The following TUBAL3 variants were observed in gnomAD, a reference collection of about 807,000 sequenced individuals.
TUBAL3 encodes tubulin alpha chain-like 3.
In TUBAL3, 16 loss-of-function variants were observed where a neutral mutation model predicts 15.5. The observed-to-expected ratio is 1.04, with a 90% CI of 0.70 to 1.57. The LOEUF is 1.57. Ranked by LOEUF, TUBAL3 falls within the 40% of genes most tolerant of loss-of-function variation. The pLI is 0.00. For missense variants in TUBAL3, 609 were observed against 576.2 expected (o/e 1.06, Z -0.58); for synonymous variants, 238 against 224.3 (o/e 1.06, Z -0.55).
chr10:5,400,140 A>G (rs1554814510), intron 2 of TUBAL3, among the ~76,000 whole-genome samples: 1 of 152,162 alleles, frequency 6.6e-6, no homozygotes, highest in Non-Finnish European at 1.5e-5. Context: ...TAACTAGGGT[A>G]TATATTTGGC....
Position 5,393,757 on chromosome 10 carries a change from G to A in TUBAL3, c.1101C>T (p.Pro367=). 2 of 1,614,222 alleles carry A rather than the reference G, an allele frequency of 1.2e-6. No individual in the cohort carries two copies. Among genetic ancestry groups the A allele is most frequent in the Admixed American group, 1.7e-5 (1 of 60,028 alleles). Residue 367 remains proline (P), a synonymous_variant, in exon 4 of 4, where the codon CCC becomes CCT. Transcript: ENST00000380419. ...CCAGGTCCCCACCCGGCATCACCGTGGGCGGCCGATTGTTGATGCCCACCT... is the reference window on the plus strand; with the variant it reads ...CCAGGTCCCCACCCGGCATCACCGTAGGCGGCCGATTGTTGATGCCCACCT... ...GFKVGINNRP[P]TVMPGGDLAK...
Position 5,393,734 on chromosome 10 carries a change from A to T in TUBAL3, c.1124T>A (p.Leu375Gln). 6.2e-7 allele frequency: 1 copy of T among 1,614,212 alleles called. No individual in the cohort carries two copies. The highest frequency in any genetic ancestry group is 8.5e-7 in the Non-Finnish European group (1 of 1,180,032). The change falls in exon 4 of 4, where the codon CTG becomes CAG. Residue 375 changes from leucine to glutamine, a missense_variant. Transcript: ENST00000380419. ...GCAGATGGACCGGTGGACTTTGGCC[A>T]GGTCCCCACCCGGCATCACCGTGGG... The part of the protein sequence containing the change: ...RPPTVMPGGD[L>Q]AKVHRSICML...
rs1407902587 is a variant in TUBAL3, at chr10:5,393,415, A to G, written c.*102T>C. 3.7e-6 allele frequency: 4 copies of G among 1,067,312 alleles called. No homozygotes were observed. The Admixed American group carries it at 1.1e-4, about 28-fold the overall frequency. 66.1% of individuals were successfully genotyped at this position (1,067,312 alleles called of 1,614,324 possible). On this transcript the variant is annotated 3_prime_UTR_variant, in exon 4 of 4. Transcript: ENST00000380419. The stretch of plus-strand genomic sequence containing the variant: ...CTAGAGTCTTGCCTGATTTGAGTTC[A>G]TTTTTCTGCTCATCAGGGGAACTAC...
intron 1 of TUBAL3, 141 bp from the exon 2 acceptor site, chr10:5,401,228 C>T: frequency 1.2e-5 from 13 of 1,054,192 alleles, no homozygotes; most frequent in Admixed American, 2.8e-5. Flanking sequence ...TAATCAAAAG[C>T]GTTTCATGGA....
Position 5,395,419 on chromosome 10 carries a change from C to T in TUBAL3, c.304G>A (p.Gly102Arg), listed in dbSNP as rs150216035. 6.7e-4 allele frequency: 1,082 copies of T among 1,605,632 alleles called. 10 individuals are homozygous for T. The African/African-American group carries it at 0.013, about 19-fold the overall frequency. Residue 102 changes from glycine (G) to arginine (R), a missense_variant, in exon 3 of 4, where the codon GGA becomes AGA. Physicochemically the swap from Gly to Arg is moderately radical, Grantham distance 125 (BLOSUM62 -2). Coordinates refer to ENST00000380419, the MANE Select transcript of TUBAL3 (RefSeq NM_024803.3). The surrounding 1 kb of genome is among the most constrained non-coding windows in gnomAD (Gnocchi z 4.6). ...SLFHPEQLLSGKEDAANNYAR... is the reference protein window; with the variant it reads ...SLFHPEQLLSRKEDAANNYAR... ...TAATTGTTAGCAGCATCCTCCTTTC[C>T]GCTAAGGAGCTGCTCGGGGTGGAAG...
At chr10:5,400,696 C>T (rs1831836316) in intron 2 of TUBAL3, 148 bp downstream of exon 2, 7 of 849,644 alleles carry the variant, frequency 8.2e-6, no homozygotes, top group Non-Finnish European at 1.8e-6. Context: ...TCATGTTAAT[C>T]ACCCATGGCC....
chr10:5,399,073 A>C (rs1400035179), intron 2 of TUBAL3, among the ~76,000 whole-genome samples: 1 of 152,188 alleles, frequency 6.6e-6, no homozygotes, highest in Non-Finnish European at 1.5e-5. Context: ...CCTAGGACCA[A>C]ACCCAGCTCT....
At position 5,395,402 on chromosome 10, in the gene TUBAL3, A is replaced by G. The variant is rs11253156; in HGVS notation, c.321T>C (p.Ala107=). ...AGTAACGGCCTCGCGCGTAATTGTT[A>G]GCAGCATCCTCCTTTCCGCTAAGGA... ...EQLLSGKEDA[A]NNYARGRYSV... is the part of the protein sequence containing the mutation. The change falls in exon 3 of 4, where the codon GCT becomes GCC. Residue 107 remains alanine, a synonymous_variant. Coordinates refer to ENST00000380419, the MANE Select transcript of TUBAL3 (RefSeq NM_024803.3). This position sits in a 1 kb window ranked among gnomAD's most constrained non-coding sequence, Gnocchi z 4.6. The G allele has an allele frequency of 0.73, 1,163,805 of 1,604,440 alleles. 423,580 individuals carry two copies. The highest frequency in any genetic ancestry group is 0.82 in the Admixed American group (48,442 of 59,302).
intron 1 of TUBAL3, among the ~76,000 whole-genome samples, chr10:5,402,214 T>A (rs1367975164): frequency 6.6e-6 from 1 of 152,200 alleles, no homozygotes; most frequent in Admixed American, 6.5e-5. Context: ...CCATCCCACT[T>A]TAAATCATCT....
rs1831735657 is a variant in TUBAL3 at position 5,394,699 on chromosome 10, T to C, written c.397-238A>G. On this transcript the variant is annotated intron_variant, in intron 3 of 3. Transcript: ENST00000380419. The surrounding 1 kb of genome is among the most constrained non-coding windows in gnomAD (Gnocchi z 4.3). ...AGCAGAGCATAAATATCCACCTGTCTTTCACTGACCTCTGTGCATTTATCG... is the reference window on the plus strand; with the variant it reads ...AGCAGAGCATAAATATCCACCTGTCCTTCACTGACCTCTGTGCATTTATCG... 6.6e-6 allele frequency among the ~76,000 whole-genome samples: 1 copy of C among 152,214 alleles called. No individual in the cohort carries two copies. The highest frequency in any genetic ancestry group is 2.1e-4 in the South Asian group (1 of 4,834).
Position 5,393,513 on chromosome 10 carries a change from TG to T in TUBAL3, c.*3del, listed in dbSNP as rs782357289. On this transcript the variant is annotated 3_prime_UTR_variant, in exon 4 of 4. Coordinates refer to ENST00000380419, the MANE Select transcript of TUBAL3 (RefSeq NM_024803.3). ...GACATTCATTTGCACCCATCATACA[TG>T]CCTCAGAAACTTTGCGCCACTTCCT... is the stretch of plus-strand genomic sequence containing the variant. 1 of 1,593,146 alleles carries T rather than the reference TG, an allele frequency of 6.3e-7. No individual in the cohort carries two copies. Among genetic ancestry groups the T allele is most frequent in the Admixed American group, 1.7e-5 (1 of 57,826 alleles).
chr10:5,397,123 C>G lies in TUBAL3; in HGVS notation c.248-1648G>C, dbSNP rs1831777673. 6.6e-6 allele frequency among the ~76,000 whole-genome samples: 1 copy of G among 152,196 alleles called. No homozygotes were observed. Among genetic ancestry groups the G allele is most frequent in the South Asian group, 2.1e-4 (1 of 4,824 alleles). ...GATTTACCTCATTATACACCACCAG[C>G]CTTGGCAGCAGATAGCTGAGCCAGT... On this transcript the variant is annotated intron_variant, in intron 2 of 3. Transcript: ENST00000380419. This position sits in a 1 kb window ranked among gnomAD's most constrained non-coding sequence, Gnocchi z 4.9.
chr10:5,399,656 TG>T (rs1288982525), intron 2 of TUBAL3, among the ~76,000 whole-genome samples: 3 of 152,222 alleles, frequency 2.0e-5, no homozygotes, highest in Non-Finnish European at 4.4e-5. Flanking sequence ...ATCACCCAGC[TG>T]AAGTGTTTAT....
rs782431439 is a variant in TUBAL3 at position 5,393,547 on chromosome 10, C to T, written c.1311G>A (p.Arg437=). The change falls in exon 4 of 4, where the codon AGG becomes AGA. Residue 437 remains arginine, a synonymous_variant. Transcript: ENST00000380419. ...AACTTTGCGCCACTTCCTCATAGTC[C>T]CTCTCCAGGGCTGCCAGATCTTCCC... ...EAREDLAALE[R]DYEEVAQSF 1.9e-5 allele frequency: 30 copies of T among 1,611,540 alleles called. No homozygotes were observed. In the South Asian group the frequency reaches 3.3e-4, roughly 18 times the overall value.
rs200338095 is a variant in TUBAL3, at chr10:5,404,121, A to T, written c.3+669T>A. Reference sequence around the variant, plus strand: ...ATTTTTAAAAGCAAAACAATTTAAAATTTTTTAAATGTTGGACAGAGAGAC... The same window carrying T: ...ATTTTTAAAAGCAAAACAATTTAAATTTTTTTAAATGTTGGACAGAGAGAC... On this transcript the variant is annotated intron_variant, in intron 1 of 3. Transcript: ENST00000380419. 5.3e-5 allele frequency among the ~76,000 whole-genome samples: 8 copies of T among 152,246 alleles called. 1 individual carries two copies. The East Asian group carries it at 5.8e-4, about 11-fold the overall frequency.
In TUBAL3 at chr10:5,395,238, G is replaced by A; in HGVS notation, c.396+89C>T. 7.6e-7 allele frequency: 1 copy of A among 1,321,022 alleles called. No individual in the cohort carries two copies. Among genetic ancestry groups the A allele is most frequent in the Non-Finnish European group, 1.0e-6 (1 of 1,002,640 alleles). The allele number at this position is 1,321,022 out of a possible 1,614,324, so 81.8% of individuals were successfully genotyped here. On this transcript the variant is annotated intron_variant, in intron 3 of 3. Transcript: ENST00000380419. The surrounding 1 kb of genome is among the most constrained non-coding windows in gnomAD (Gnocchi z 4.6). Reference sequence around the variant, plus strand: ...CCAGGGAGAGACGGTTGGTGGCGATGGTGACAGCAGATAATGCTTGTGAGT... The same window carrying A: ...CCAGGGAGAGACGGTTGGTGGCGATAGTGACAGCAGATAATGCTTGTGAGT...
chr10:5,398,413 T>C (rs2119143666), intron 2 of TUBAL3, among the ~76,000 whole-genome samples: 1 of 94,004 alleles, frequency 1.1e-5, no homozygotes, highest in Non-Finnish European at 2.0e-5. Context: ...AGAGCAAAAC[T>C]CTGTCTCAAA....
rs558587461 is a variant in TUBAL3, at chr10:5,394,942, C to T, written c.396+385G>A. On this transcript the variant is annotated intron_variant, in intron 3 of 3. Transcript: ENST00000380419. The surrounding 1 kb of genome is among the most constrained non-coding windows in gnomAD (Gnocchi z 4.3). Reference sequence around the variant, plus strand: ...AATTAATTATCAGTAAATAGAGTCACGCATCTCCAGATAGGGAGTGCCTCT... The same window carrying T: ...AATTAATTATCAGTAAATAGAGTCATGCATCTCCAGATAGGGAGTGCCTCT... Among the ~76,000 whole-genome samples, 11 of 152,276 alleles carry T rather than the reference C, an allele frequency of 7.2e-5. No individual in the cohort carries two copies. Among genetic ancestry groups the T allele is most frequent in the South Asian group, 6.2e-4 (3 of 4,826 alleles).
At position 5,395,518 on chromosome 10, in the gene TUBAL3, A is replaced by G. The variant is rs1465106824; in HGVS notation, c.248-43T>C. 7.2e-7 allele frequency: 1 copy of G among 1,381,848 alleles called. No individual in the cohort carries two copies. The highest frequency in any genetic ancestry group is 9.5e-7 in the Non-Finnish European group (1 of 1,052,790). 85.6% of individuals were successfully genotyped at this position (1,381,848 alleles called of 1,614,324 possible). A position where few individuals can be genotyped will look rare whatever the true frequency, so the allele number is the denominator to read the frequency against. ...AGGTCAGTGCAACTCACCCAGTGCA[A>G]TTCAGCCGTCCACCTGCTGCTAGTC... On this transcript the variant is annotated intron_variant, in intron 2 of 3. Coordinates refer to ENST00000380419, the MANE Select transcript of TUBAL3 (RefSeq NM_024803.3). The surrounding 1 kb of genome is among the most constrained non-coding windows in gnomAD (Gnocchi z 4.6).
Sources: gnomAD v4.1 joint callset for allele counts (sites outside exome capture counted in the v4.1 genomes callset) on GRCh38, gnomAD v4.1.1 for gene constraint, Gnocchi (gnomAD v3.1) non-coding constraint, MANE v1.5 for transcripts, NCBI Gene and HGNC (gene_info 2026-07-23, HGNC 2026-07-21) for gene names.